PCDH15: variants seen among roughly 807,000 people sequenced by gnomAD.
The protein encoded by PCDH15 is protocadherin related 15.
In PCDH15, 129 loss-of-function variants were observed where a neutral mutation model predicts 178.5. That is an observed-to-expected ratio of 0.72 (90% CI 0.63 to 0.84). The LOEUF is 0.84. Among genes scored for constraint, PCDH15 ranks in the 40% least tolerant of loss-of-function variants. The pLI is 0.00. For missense variants in PCDH15, 2,230 were observed against 2,099.9 expected, an observed-to-expected ratio of 1.06 and a Z score of -1.21; for synonymous variants, 800 against 732.0, an observed-to-expected ratio of 1.09 and a Z score of -1.50.
chr10:55,317,194 G>T (rs1034156920), intron 1 of PCDH15, among the ~76,000 whole-genome samples: 35 of 152,056 alleles, frequency 2.3e-4, no homozygotes, highest in African/African-American at 8.5e-4. Flanking sequence ...TTTAAGATTG[G>T]TCTCAACACA....
intron 1 of PCDH15, among the ~76,000 whole-genome samples, chr10:55,187,846 G>C (rs572269065): frequency 6.6e-6 from 1 of 152,070 alleles, no homozygotes; most frequent in South Asian, 2.1e-4. Flanking sequence ...GGTAATTCCA[G>C]ATGGAAAGTC....
intron 8 of PCDH15, among the ~76,000 whole-genome samples, chr10:54,269,017 T>A (rs1447004134): frequency 6.6e-6 from 1 of 151,918 alleles, no homozygotes; most frequent in African/African-American, 2.4e-5. Flanking sequence ...ATTTCCTACA[T>A]TTAATCTGAA....
At chr10:54,460,526 C>T (rs1257215128) in intron 3 of PCDH15, among the ~76,000 whole-genome samples, 1 of 151,942 alleles carries the variant, frequency 6.6e-6, no homozygotes, top group African/African-American at 2.4e-5. Context: ...TGCAACAGGG[C>T]ACCAAACACC....
intron 32 of PCDH15, chr10:53,821,793 T>G: frequency 2.5e-6 from 4 of 1,599,660 alleles, no homozygotes; most frequent in Non-Finnish European, 3.4e-6. Context: ...ACGTTCAAAT[T>G]TGATGTTCAA....
At chr10:54,798,514 GATAC>G (rs1198238143) in intron 1 of PCDH15, among the ~76,000 whole-genome samples, 11 of 151,950 alleles carry the variant, frequency 7.2e-5, no homozygotes, top group Non-Finnish European at 1.0e-4. Context: ...GAAAACCACA[GATAC>G]ATAGAATGAC....
At chr10:54,015,157 T>G (rs2092702658) in intron 20 of PCDH15, among the ~76,000 whole-genome samples, 1 of 151,324 alleles carries the variant, frequency 6.6e-6, no homozygotes, top group African/African-American at 2.4e-5. Context: ...CAATCCCATT[T>G]GCAATAGTTA....
At chr10:54,694,819 T>A (rs1312508512) in intron 1 of PCDH15, among the ~76,000 whole-genome samples, 2 of 152,090 alleles carry the variant, frequency 1.3e-5, no homozygotes, top group Non-Finnish European at 2.9e-5. Flanking sequence ...TACAGTGGTC[T>A]CTAAGTGTTC....
In PCDH15 at chr10:53,945,357, T is replaced by G. The variant is rs149340681; in HGVS notation, c.3123-4382A>C. On this transcript the variant is annotated intron_variant, in intron 23 of 37. Transcript: ENST00000644397. The stretch of plus-strand genomic sequence containing the variant: ...GTACAACATGATGTTTTGAAATACG[T>G]ATACACTGTAGAATGGCTAAATTAA... Among the ~76,000 whole-genome samples, 373 of 152,282 alleles carry G rather than the reference T, an allele frequency of 2.4e-3. 3 individuals carry two copies. Among genetic ancestry groups the G allele is most frequent in the East Asian group, 0.02 (105 of 5,180 alleles).
chr10:54,854,471 C>CA (rs1953699907), intron 3 of PCDH15, among the ~76,000 whole-genome samples: 1 of 152,140 alleles, frequency 6.6e-6, no homozygotes, highest in Non-Finnish European at 1.5e-5. Flanking sequence ...GTGAGCAAGA[C>CA]AAAAAGGAGC....
At chr10:54,594,176 C>G (rs1024454053) in intron 2 of PCDH15, among the ~76,000 whole-genome samples, 5 of 152,064 alleles carry the variant, frequency 3.3e-5, no homozygotes, top group Admixed American at 6.5e-5. Flanking sequence ...TGTCAGCCAC[C>G]ATGGACACTT....
chr10:54,671,369 TCCAA>T (rs2094667522), intron 1 of PCDH15, among the ~76,000 whole-genome samples: 1 of 152,024 alleles, frequency 6.6e-6, no homozygotes, highest in Non-Finnish European at 1.5e-5. Context: ...GCAAAAAAAA[TCCAA>T]AAGTATTAAG....
At chr10:54,557,441 A>T (rs2087450633) in intron 2 of PCDH15, among the ~76,000 whole-genome samples, 1 of 152,190 alleles carries the variant, frequency 6.6e-6, no homozygotes, top group Non-Finnish European at 1.5e-5. Context: ...AGAAAAAGAG[A>T]ACTCTAGATA....
chr10:53,826,777 A>T (rs995790637), intron 32 of PCDH15, among the ~76,000 whole-genome samples: 4 of 152,122 alleles, frequency 2.6e-5, no homozygotes, highest in African/African-American at 9.7e-5. Context: ...TTCGGTAATC[A>T]CCGCAGTCTG....
At chr10:55,388,328 T>G (rs560323101) in intron 2 of PCDH15, among the ~76,000 whole-genome samples, 2 of 152,200 alleles carry the variant, frequency 1.3e-5, no homozygotes, top group African/African-American at 2.4e-5. Context: ...GAGCTGATCC[T>G]TCTCTGATGG....
At chr10:55,170,403 C>G (rs543533048) in intron 1 of PCDH15, among the ~76,000 whole-genome samples, 1 of 152,180 alleles carries the variant, frequency 6.6e-6, no homozygotes, top group East Asian at 1.9e-4. Flanking sequence ...CTTGGCTAAG[C>G]CTCCCAAAGT....
At chr10:54,291,401 CA>C (rs2059393304) in intron 8 of PCDH15, among the ~76,000 whole-genome samples, 1 of 152,146 alleles carries the variant, frequency 6.6e-6, no homozygotes, top group Non-Finnish European at 1.5e-5. Context: ...CCTAATATCA[CA>C]GCTGAAAGAA....
intron 1 of PCDH15, among the ~76,000 whole-genome samples, chr10:55,279,893 T>C (rs182561800): frequency 9.6e-4 from 146 of 152,340 alleles, no homozygotes; most frequent in African/African-American, 3.3e-3. Flanking sequence ...ATTTTCTATA[T>C]TAACTTACAG....
At chr10:54,988,686 T>C (rs1198061810) in intron 2 of PCDH15, among the ~76,000 whole-genome samples, 1 of 152,162 alleles carries the variant, frequency 6.6e-6, no homozygotes, top group Admixed American at 6.5e-5. Flanking sequence ...CAGCAAAGCA[T>C]TCAAGATGTG....
At chr10:54,106,650 AT>A (rs2094922934) in intron 15 of PCDH15, among the ~76,000 whole-genome samples, 1 of 152,210 alleles carries the variant, frequency 6.6e-6, no homozygotes, top group South Asian at 2.1e-4. Context: ...GTGGTATAGG[AT>A]TAGACAATTA....
Sources: gnomAD v4.1 joint callset for allele counts (sites outside exome capture counted in the v4.1 genomes callset) on GRCh38, gnomAD v4.1.1 for gene constraint, MANE v1.5 for transcripts, NCBI Gene and HGNC (gene_info 2026-07-23, HGNC 2026-07-21) for gene names.